OXR1: variants seen among roughly 807,000 people sequenced by gnomAD.
OXR1 encodes the protein oxidation resistance protein 1.
A neutral mutation model predicts 104.6 loss-of-function variants in OXR1; 41 were observed. The observed-to-expected ratio is 0.39, with a 90% confidence interval of 0.31 to 0.51. The LOEUF (loss-of-function observed/expected upper bound fraction) is 0.51. Ranked by LOEUF, OXR1 falls within the 20% of genes least tolerant of loss-of-function variation. The pLI is 0.77. For synonymous variants in OXR1, 348 were observed against 348.4 expected (o/e 1.00, Z 0.01); for missense variants, 955 against 1,031.9 (o/e 0.93, Z 1.02).
At chr8:106,316,385 A>T (rs576216082) in intron 1 of OXR1, among the ~76,000 whole-genome samples, 81 of 151,714 alleles carry the variant, frequency 5.3e-4, no homozygotes, top group African/African-American at 1.9e-3. Flanking sequence ...ATCAATCTTT[A>T]TTGAAAAGAA....
At chr8:106,283,098 G>T (rs1020089208) in intron 1 of OXR1, among the ~76,000 whole-genome samples, 4 of 152,170 alleles carry the variant, frequency 2.6e-5, no homozygotes, top group Non-Finnish European at 5.9e-5. Flanking sequence ...TTCTGTCCAC[G>T]CTTGTGCTTG....
chr8:106,469,528 G>C (rs972508823), intron 2 of OXR1, among the ~76,000 whole-genome samples: 3 of 151,812 alleles, frequency 2.0e-5, no homozygotes, highest in Non-Finnish European at 4.4e-5. Context: ...CTCAGCTATA[G>C]AAATATAAAG....
intron 1 of OXR1, among the ~76,000 whole-genome samples, chr8:106,334,225 T>C (rs1434729492): frequency 6.6e-6 from 1 of 152,236 alleles, no homozygotes; most frequent in Non-Finnish European, 1.5e-5. Flanking sequence ...ATTGCTATTT[T>C]AAATGAAGTT....
At chr8:106,684,501 C>A (rs547064249) in intron 6 of OXR1, 142 bp downstream of exon 6, 8 of 582,396 alleles carry the variant, frequency 1.4e-5, no homozygotes, top group African/African-American at 5.6e-5. Context: ...TTGTAAATCC[C>A]AGCTTTAAAA....
intron 2 of OXR1, among the ~76,000 whole-genome samples, chr8:106,466,397 G>A (rs1401141006): frequency 6.6e-6 from 1 of 151,668 alleles, no homozygotes; most frequent in Non-Finnish European, 1.5e-5. Context: ...CTTTTTCAAT[G>A]CCAATTCTTT....
chr8:106,661,312 A>T (rs1825742875), intron 3 of OXR1, among the ~76,000 whole-genome samples: 1 of 152,180 alleles, frequency 6.6e-6, no homozygotes, highest in African/African-American at 2.4e-5. Flanking sequence ...TTTTGCTCTT[A>T]CCAGCTTTTA....
chr8:106,617,893 T>C, intron 3 of OXR1: 2 of 304,950 alleles, frequency 6.6e-6, no homozygotes, highest in Non-Finnish European at 9.6e-6. Flanking sequence ...ATACAGAGCA[T>C]GTCGTCGTCA....
intron 3 of OXR1, among the ~76,000 whole-genome samples, chr8:106,552,488 C>A (rs552314959): frequency 6.6e-6 from 1 of 152,186 alleles, no homozygotes; most frequent in South Asian, 2.1e-4. Flanking sequence ...CATTTAAAAA[C>A]CAAATTTGAA....
chr8:106,684,216 C>G, intron 5 of OXR1, 30 bp from the exon 6 acceptor site: 1 of 1,106,854 alleles, frequency 9.0e-7, no homozygotes, highest in Non-Finnish European at 1.4e-6. Context: ...TTCATTTTAA[C>G]TAAATCTTTG....
chr8:106,623,698 G>A (rs189376931), intron 3 of OXR1, among the ~76,000 whole-genome samples: 11 of 152,322 alleles, frequency 7.2e-5, no homozygotes, highest in Admixed American at 2.0e-4. Flanking sequence ...GAGTACCAAA[G>A]AGAAATGTGA....
At chr8:106,424,401 A>G (rs949069243) in intron 2 of OXR1, among the ~76,000 whole-genome samples, 1 of 152,102 alleles carries the variant, frequency 6.6e-6, no homozygotes, top group African/African-American at 2.4e-5. Context: ...ACTTTTTCCT[A>G]CTAAAATATA....
chr8:106,598,169 A>G (rs2130737602), intron 3 of OXR1, among the ~76,000 whole-genome samples: 1 of 152,234 alleles, frequency 6.6e-6, no homozygotes, highest in South Asian at 2.1e-4. Context: ...AAACTTGTGG[A>G]GGAGCTTGAA....
chr8:106,662,574 G>A (rs924944650), intron 3 of OXR1, among the ~76,000 whole-genome samples: 4 of 152,082 alleles, frequency 2.6e-5, no homozygotes, highest in South Asian at 2.1e-4. Flanking sequence ...TGTGTCTTAC[G>A]CACAAGTTAA....
intron 6 of OXR1, among the ~76,000 whole-genome samples, chr8:106,688,211 T>C (rs1828931342): frequency 6.6e-6 from 1 of 152,094 alleles, no homozygotes; most frequent in Non-Finnish European, 1.5e-5. Flanking sequence ...AGTGGAAAAA[T>C]GTTTAAAATA....
At chr8:106,748,554 C>CTTTT (rs71307088) in intron 16 of OXR1, among the ~76,000 whole-genome samples, 4 of 48,922 alleles carry the variant, frequency 8.2e-5, no homozygotes, top group Non-Finnish European at 1.3e-4. Context: ...AGTACCAACT[C>CTTTT]TTTTTTTTTT....
chr8:106,482,366 G>C (rs1459954176), intron 2 of OXR1, among the ~76,000 whole-genome samples: 5 of 150,820 alleles, frequency 3.3e-5, no homozygotes, highest in Non-Finnish European at 7.4e-5. Flanking sequence ...GAGTGAGTGA[G>C]ATGATGAGGC....
intron 3 of OXR1, among the ~76,000 whole-genome samples, chr8:106,625,443 C>T (rs997773932): frequency 6.6e-6 from 1 of 152,106 alleles, no homozygotes; most frequent in Non-Finnish European, 1.5e-5. Flanking sequence ...AACAGGAAAA[C>T]AAAAAGAATT....
At chr8:106,470,522 T>G (rs1302062258) in intron 2 of OXR1, among the ~76,000 whole-genome samples, 2 of 151,828 alleles carry the variant, frequency 1.3e-5, no homozygotes, top group African/African-American at 4.8e-5. Flanking sequence ...AAGTTTAGTT[T>G]GGACATGTGA....
At chr8:106,697,832 C>T in intron 7 of OXR1, 3 of 1,612,454 alleles carry the variant, frequency 1.9e-6, no homozygotes, top group Non-Finnish European at 2.5e-6. Context: ...TCACATAACA[C>T]CGTGCCATCC....
Sources: allele counts gnomAD v4.1 joint callset (sites outside exome capture counted in the v4.1 genomes callset), GRCh38; gene constraint gnomAD v4.1.1; transcripts MANE v1.5; gene names NCBI Gene and HGNC (gene_info 2026-07-23, HGNC 2026-07-21).